RAB33A: variants seen among roughly 807,000 people sequenced by gnomAD.
RAB33A encodes the protein RAB33A, member RAS oncogene family.
RAB33A carries 6 observed loss-of-function variants against 12.0 expected under a neutral mutation model. The ratio of observed to expected loss-of-function variants is 0.50; its 90% CI spans 0.27 to 0.99. The LOEUF (loss-of-function observed/expected upper bound fraction) is 0.99. Among genes scored for constraint, RAB33A ranks in the 50% least tolerant of loss-of-function variants. RAB33A has a pLI of 0.11. For synonymous variants in RAB33A, 70 were observed against 82.4 expected (o/e 0.85, Z 0.81); for missense variants, 109 against 192.0 (o/e 0.57, Z 2.55).
chrX:130,139,919 G>T, the RAB33A span: 1 of 1,059,694 alleles, frequency 9.4e-7, no homozygotes, highest in Non-Finnish European at 1.3e-6. Flanking sequence ...GCAGGAGCCA[G>T]CCCAAACAAT....
intron 1 of RAB33A, 70 bp downstream of exon 1, chrX:130,172,390 CG>C (rs2031620387): frequency 8.9e-7 from 1 of 1,117,326 alleles, no homozygotes; most frequent in Non-Finnish European, 1.2e-6. Context: ...ATAGCTCTAG[CG>C]GTTGTCGTCG....
the RAB33A span, among the ~76,000 whole-genome samples, chrX:130,152,970 T>C: frequency 9.0e-6 from 1 of 110,743 alleles, no homozygotes; most frequent in Non-Finnish European, 1.9e-5. Flanking sequence ...TTTTATGTAT[T>C]TGTAGTCATA....
chrX:130,174,050 A>T (rs1472342405), intron 1 of RAB33A, among the ~76,000 whole-genome samples: 1 of 112,112 alleles, frequency 8.9e-6, no homozygotes, highest in East Asian at 2.8e-4. Context: ...AAAGTGAGGG[A>T]TGACAGATGA....
chrX:130,162,964 T>C, the RAB33A span, among the ~76,000 whole-genome samples: 3 of 111,288 alleles, frequency 2.7e-5, no homozygotes, highest in Admixed American at 2.9e-4. Context: ...AAATAGTAGC[T>C]ATCATGGTTT....
At chrX:130,130,455 G>A in the RAB33A span, among the ~76,000 whole-genome samples, 12 of 111,884 alleles carry the variant, frequency 1.1e-4, no homozygotes, top group Admixed American at 3.8e-4. Context: ...AATATTTCCT[G>A]GTATCTGGAT....
At chrX:130,115,473 C>T in the RAB33A span, among the ~76,000 whole-genome samples, 1 of 111,113 alleles carries the variant, frequency 9.0e-6, no homozygotes, top group Non-Finnish European at 1.9e-5. Context: ...ATTAGCTGGG[C>T]GTGGTGGTGG....
the RAB33A span, chrX:130,165,479 G>A: frequency 1.1e-6 from 1 of 903,821 alleles, no homozygotes; most frequent in African/African-American, 1.9e-5. Context: ...CGGGGGTAGA[G>A]GGCTGCAAGG....
At chrX:130,149,045 C>T in the RAB33A span, among the ~76,000 whole-genome samples, 1 of 105,106 alleles carries the variant, frequency 9.5e-6, no homozygotes, top group Non-Finnish European at 1.9e-5. Context: ...CCTCAGCCTC[C>T]CGAGCACCAG....
At chrX:130,111,649 TA>T in the RAB33A span, among the ~76,000 whole-genome samples, 2 of 111,075 alleles carry the variant, frequency 1.8e-5, no homozygotes, top group African/African-American at 3.3e-5. Flanking sequence ...GGGGAAGGGC[TA>T]GGGGGAGAGG....
At chrX:130,170,106 A>G (rs1424159655), upstream of RAB33A, among the ~76,000 whole-genome samples, 1 of 112,689 alleles carries the variant, frequency 8.9e-6, no homozygotes, top group Non-Finnish European at 1.9e-5. Context: ...GCTGAGTAGT[A>G]TAATGTAGGG....
chrX:130,141,512 C>T, the RAB33A span, among the ~76,000 whole-genome samples: 2 of 112,100 alleles, frequency 1.8e-5, no homozygotes, highest in Non-Finnish European at 3.8e-5. Context: ...GGAAACTTGG[C>T]TCTCTCTTAA....
chrX:130,122,430 C>A, the RAB33A span, among the ~76,000 whole-genome samples: 58,347 of 111,042 alleles, frequency 0.53, 12,340 homozygotes, highest in African/African-American at 0.81. Flanking sequence ...CCTGTATGCA[C>A]TTTCCTTTTG....
the RAB33A span, among the ~76,000 whole-genome samples, chrX:130,161,609 CTT>C: frequency 9.3e-5 from 9 of 96,544 alleles, no homozygotes; most frequent in Non-Finnish European, 4.2e-5. Context: ...ATTTATCAGC[CTT>C]TTTTTTTTTT....
chrX:130,176,052 C>G lies in RAB33A; in HGVS notation c.258+3732C>G. On this transcript the variant is annotated intron_variant, in intron 1 of 1. Transcript: ENST00000257017. The stretch of plus-strand genomic sequence containing the variant: ...TCTCCAGCCTAGCTCCATGGTCCAT[C>G]CAACCCACAAGGCCACCTATGACAA... Among the ~76,000 whole-genome samples, 3 of 111,300 alleles carry G rather than the reference C, an allele frequency of 2.7e-5. No individual in the cohort carries two copies. The South Asian group carries it at 1.1e-3, about 42-fold the overall frequency.
chrX:130,132,893 T>C, the RAB33A span, among the ~76,000 whole-genome samples: 1 of 110,506 alleles, frequency 9.0e-6, no homozygotes, highest in Admixed American at 9.6e-5. Context: ...ATTACAGGCA[T>C]GCACCACCAC....
chrX:130,150,664 C>G, the RAB33A span, among the ~76,000 whole-genome samples: 4 of 105,178 alleles, frequency 3.8e-5, no homozygotes, highest in Non-Finnish European at 7.8e-5. Flanking sequence ...AAAAGGTAGG[C>G]AAGAATGACT....
chrX:130,115,928 C>T, the RAB33A span, among the ~76,000 whole-genome samples: 2 of 110,696 alleles, frequency 1.8e-5, no homozygotes, highest in Non-Finnish European at 3.8e-5. Context: ...GTTTACATGA[C>T]AAGGCCATGG....
chrX:130,140,173 C>T, the RAB33A span, among the ~76,000 whole-genome samples: 1 of 112,618 alleles, frequency 8.9e-6, no homozygotes, highest in African/African-American at 3.2e-5. Flanking sequence ...TGCCAGCTAG[C>T]ATAGCTACAT....
chrX:130,116,160 C>T, the RAB33A span, among the ~76,000 whole-genome samples: 1 of 94,852 alleles, frequency 1.1e-5, no homozygotes, highest in Non-Finnish European at 2.0e-5. Flanking sequence ...GGCTGGAATG[C>T]AATGGCGCGA....
Sources: allele counts gnomAD v4.1 joint callset (sites outside exome capture counted in the v4.1 genomes callset), GRCh38; gene constraint gnomAD v4.1.1; transcripts MANE v1.5; gene names NCBI Gene and HGNC (gene_info 2026-07-23, HGNC 2026-07-21).